Variants in NOX4 observed in about 807,000 individuals in gnomAD.
NOX4 encodes kidney oxidase-1.
In NOX4, 69 loss-of-function variants were observed where a neutral mutation model predicts 87.6. The observed-to-expected ratio is 0.79, with a 90% CI of 0.65 to 0.96. The LOEUF (loss-of-function observed/expected upper bound fraction) is 0.96. Ranked by LOEUF, NOX4 falls within the 40% of genes least tolerant of loss-of-function variation. NOX4 has a pLI of 0.00. For missense variants in NOX4, 680 were observed against 681.5 expected, an observed-to-expected ratio of 1.00 and a Z score of 0.02; for synonymous variants, 275 against 238.2, an observed-to-expected ratio of 1.15 and a Z score of -1.42.
rs139442291 is a variant in NOX4, at chr11:89,347,461, T to G, written c.1218-5268A>C. On this transcript the variant is annotated intron_variant, in intron 13 of 17. Transcript: ENST00000263317. The stretch of plus-strand genomic sequence containing the variant: ...GCCAGGTGCTTTTTATAATTTTATT[T>G]AAATATCACAAAGACTTACAAGAAA... Among the ~76,000 whole-genome samples, 1,392 of 152,328 alleles carry G rather than the reference T, an allele frequency of 9.1e-3. 73 individuals are homozygous for G. The highest frequency in any genetic ancestry group is 0.084 in the Admixed American group (1,277 of 15,286).
At chr11:89,514,716 G>A in the NOX4 span, among the ~76,000 whole-genome samples, 1 of 151,768 alleles carries the variant, frequency 6.6e-6, no homozygotes, top group Admixed American at 6.6e-5. Context: ...CTTTTTCTGT[G>A]TCTCCTATGA....
At chr11:89,572,230 A>G in the NOX4 span, among the ~76,000 whole-genome samples, 164 of 152,330 alleles carry the variant, frequency 1.1e-3, 3 homozygotes, top group South Asian at 0.032. Flanking sequence ...TTCTAAATTG[A>G]TTGAGACCTG....
intron 7 of NOX4, among the ~76,000 whole-genome samples, chr11:89,429,680 T>C (rs1054007804): frequency 1.3e-5 from 2 of 152,246 alleles, no homozygotes; most frequent in African/African-American, 4.8e-5. Flanking sequence ...AATCCCTGAA[T>C]AGACCAATAA....
At chr11:89,370,098 C>T (rs1470578352) in intron 12 of NOX4, among the ~76,000 whole-genome samples, 3 of 151,864 alleles carry the variant, frequency 2.0e-5, no homozygotes, top group Non-Finnish European at 4.4e-5. Flanking sequence ...TTTAAGATTA[C>T]TTGCACTGTG....
At chr11:89,377,689 T>C (rs1254862899) in intron 11 of NOX4, among the ~76,000 whole-genome samples, 2 of 152,176 alleles carry the variant, frequency 1.3e-5, no homozygotes, top group South Asian at 2.1e-4. Flanking sequence ...GCATTTTTTG[T>C]TTGTAAAGAA....
intron 2 of NOX4, among the ~76,000 whole-genome samples, chr11:89,481,722 C>G (rs1460547495): frequency 6.6e-6 from 1 of 152,070 alleles, no homozygotes; most frequent in Non-Finnish European, 1.5e-5. Context: ...GACCTACATT[C>G]CACATTCAGC....
chr11:89,399,792 C>T (rs1428080213), intron 11 of NOX4, among the ~76,000 whole-genome samples: 1 of 151,654 alleles, frequency 6.6e-6, no homozygotes, highest in Non-Finnish European at 1.5e-5. Context: ...AGCTTTAATA[C>T]GTTTTAATTC....
At chr11:89,434,675 T>C (rs1943988713) in intron 6 of NOX4, among the ~76,000 whole-genome samples, 2 of 152,070 alleles carry the variant, frequency 1.3e-5, no homozygotes, top group Admixed American at 6.6e-5. Flanking sequence ...TAGCTACTTA[T>C]TTTTAACAGT....
chr11:89,438,907 TATATA>T (rs1944318716), intron 6 of NOX4, among the ~76,000 whole-genome samples: 1 of 63,940 alleles, frequency 1.6e-5, no homozygotes, highest in Non-Finnish European at 2.7e-5. Flanking sequence ...ATATATATAA[TATATA>T]ATATAAAATA....
chr11:89,575,022 A>G, the NOX4 span, among the ~76,000 whole-genome samples: 11 of 152,288 alleles, frequency 7.2e-5, no homozygotes, highest in Middle Eastern at 3.4e-3. Flanking sequence ...GTCTCTACTA[A>G]AAATACAAAG....
intron 17 of NOX4, among the ~76,000 whole-genome samples, chr11:89,328,870 A>G (rs1441613379): frequency 6.6e-6 from 1 of 152,134 alleles, no homozygotes; most frequent in Non-Finnish European, 1.5e-5. Context: ...GCATGCACAG[A>G]GAAAAAGCCA....
At chr11:89,465,749 C>T (rs1945662038) in intron 2 of NOX4, among the ~76,000 whole-genome samples, 1 of 151,964 alleles carries the variant, frequency 6.6e-6, no homozygotes, top group African/African-American at 2.4e-5. Flanking sequence ...AGCATTTTTT[C>T]ATGTGTCTGT....
chr11:89,545,818 C>T, the NOX4 span: 1 of 151,792 alleles, frequency 6.6e-6, no homozygotes, highest in Non-Finnish European at 1.5e-5. Flanking sequence ...TGTCATATAC[C>T]TACTACTGAA....
At chr11:89,563,862 A>G in the NOX4 span, among the ~76,000 whole-genome samples, 8 of 152,284 alleles carry the variant, frequency 5.3e-5, no homozygotes, top group East Asian at 1.4e-3. Flanking sequence ...ATTTTACAGT[A>G]TTTCGGAAAT....
the NOX4 span, among the ~76,000 whole-genome samples, chr11:89,531,032 T>C: frequency 6.6e-6 from 1 of 152,180 alleles, no homozygotes. Flanking sequence ...GACGCTCCCT[T>C]GTTACATTAT....
At chr11:89,441,120 A>G (rs1402126646) in intron 5 of NOX4, among the ~76,000 whole-genome samples, 2 of 152,220 alleles carry the variant, frequency 1.3e-5, no homozygotes, top group East Asian at 1.9e-4. Context: ...ATGTGAAGAC[A>G]GAATTAAAAA....
intron 8 of NOX4, among the ~76,000 whole-genome samples, chr11:89,417,201 G>A (rs1469895466): frequency 6.6e-6 from 1 of 152,100 alleles, no homozygotes; most frequent in Non-Finnish European, 1.5e-5. Context: ...AAGGAGCTGG[G>A]TTGGGCTCTT....
intron 2 of NOX4, among the ~76,000 whole-genome samples, chr11:89,453,133 C>A (rs1260647077): frequency 6.6e-6 from 1 of 152,166 alleles, no homozygotes; most frequent in Non-Finnish European, 1.5e-5. Flanking sequence ...CCCTGTTGTG[C>A]AAAAACAGGC....
At chr11:89,421,795 C>A (rs963385165) in intron 8 of NOX4, 107 bp downstream of exon 8, 28 of 600,472 alleles carry the variant, frequency 4.7e-5, no homozygotes, top group Non-Finnish European at 7.9e-5. Flanking sequence ...CTATTTCTTT[C>A]ACTCTTGACA....
Sources: gnomAD v4.1 joint callset for allele counts (sites outside exome capture counted in the v4.1 genomes callset) on GRCh38, gnomAD v4.1.1 for gene constraint, MANE v1.5 for transcripts, NCBI Gene and HGNC (gene_info 2026-07-23, HGNC 2026-07-21) for gene names.